FAM240B: variants seen among roughly 807,000 people sequenced by gnomAD.
FAM240B encodes the protein family with sequence similarity 240 member B, also known as protein FAM240B.
intron 2 of FAM240B, among the ~76,000 whole-genome samples, chr9:38,701,757 A>C (rs1821130262): frequency 6.6e-6 from 1 of 152,170 alleles, no homozygotes; most frequent in African/African-American, 2.4e-5. Flanking sequence ...CAAACTTTAG[A>C]AGAGGGGGTC....
At chr9:38,718,904 TTTTTA>T (rs973051425) in intron 1 of FAM240B, among the ~76,000 whole-genome samples, 21 of 152,152 alleles carry the variant, frequency 1.4e-4, no homozygotes, top group African/African-American at 4.8e-4. Context: ...ATTTTGATGT[TTTTTA>T]TTTTATGAAT....
chr9:38,713,415 T>G (rs1372920465), intron 1 of FAM240B, among the ~76,000 whole-genome samples: 1 of 144,424 alleles, frequency 6.9e-6, no homozygotes, highest in Non-Finnish European at 1.5e-5. Context: ...GAGGGAGAGC[T>G]TGCAGTGAGC....
intron 1 of FAM240B, among the ~76,000 whole-genome samples, chr9:38,708,903 G>C (rs1201602512): frequency 2.6e-5 from 4 of 152,198 alleles, no homozygotes; most frequent in Non-Finnish European, 5.9e-5. Context: ...GAATTAGAAA[G>C]CCTTAGATCA....
Position 38,694,594 on chromosome 9 carries a change from G to T in FAM240B, c.*182C>A. The T allele has an allele frequency of 2.5e-6, 1 of 392,776 alleles. No homozygotes were observed. The highest frequency in any genetic ancestry group is 4.5e-6 in the Non-Finnish European group (1 of 222,920). The allele number at this position is 392,776 out of a possible 1,614,324, so 24.3% of individuals were successfully genotyped here. A position where few individuals can be genotyped will look rare whatever the true frequency, so the allele number is the denominator to read the frequency against. On this transcript the variant is annotated 3_prime_UTR_variant, in exon 3 of 3. Coordinates refer to ENST00000637493, the MANE Select transcript of FAM240B (RefSeq NM_001394922.1). The stretch of plus-strand genomic sequence containing the variant: ...GGTCATCCTGTCCTCTGTGCGGAGG[G>T]GATTGAGCAGGATAATAACTCCCAT...
chr9:38,712,724 A>G (rs139188558), intron 1 of FAM240B, among the ~76,000 whole-genome samples: 4 of 152,240 alleles, frequency 2.6e-5, no homozygotes, highest in African/African-American at 9.6e-5. Flanking sequence ...AAATTATCTC[A>G]CTTAATGATA....
intron 1 of FAM240B, among the ~76,000 whole-genome samples, chr9:38,706,750 C>T (rs56367247): frequency 0.055 from 8,376 of 152,316 alleles, 318 homozygotes; most frequent in Non-Finnish European, 0.086. Flanking sequence ...CGAGCACACG[C>T]TCCTGTCTTT....
At chr9:38,715,904 C>T (rs1223556107) in intron 1 of FAM240B, among the ~76,000 whole-genome samples, 2 of 152,168 alleles carry the variant, frequency 1.3e-5, no homozygotes, top group African/African-American at 4.8e-5. Context: ...AGAGAAAGCA[C>T]CACCCCTCCC....
At chr9:38,711,065 T>C (rs1010500051) in intron 1 of FAM240B, among the ~76,000 whole-genome samples, 2 of 152,074 alleles carry the variant, frequency 1.3e-5, no homozygotes, top group African/African-American at 4.8e-5. Flanking sequence ...TTGAGAGCAA[T>C]GTGCAAGTCA....
intron 2 of FAM240B, among the ~76,000 whole-genome samples, chr9:38,700,563 G>T (rs62539022): frequency 0.055 from 8,350 of 152,308 alleles, 319 homozygotes; most frequent in Non-Finnish European, 0.086. Flanking sequence ...AAATAAAAGA[G>T]ACTGTAGTCA....
At chr9:38,713,215 A>C (rs1821274039) in intron 1 of FAM240B, among the ~76,000 whole-genome samples, 1 of 152,172 alleles carries the variant, frequency 6.6e-6, no homozygotes, top group South Asian at 2.1e-4. Flanking sequence ...GCAGTGGCTC[A>C]CGCCTGTAAT....
Position 38,703,942 on chromosome 9 carries a change from T to C in FAM240B, c.58A>G (p.Lys20Glu). The change falls in exon 2 of 3, where the codon AAA becomes GAA. Residue 20 changes from lysine (K) to glutamate (E), a missense_variant. Lys to Glu is a moderately conservative substitution (Grantham distance 56). Coordinates refer to ENST00000637493, the MANE Select transcript of FAM240B (RefSeq NM_001394922.1). ...CTAATTTCTTTTTCCCAGAAGCTTTTGAGCTCATGACAAGTTCCACAGCAG... is the reference window on the plus strand; with the variant it reads ...CTAATTTCTTTTTCCCAGAAGCTTTCGAGCTCATGACAAGTTCCACAGCAG... ...VFCCGTCHELKSFWEKEISKQ... is the reference protein window; with the variant it reads ...VFCCGTCHELESFWEKEISKQ... The C allele has an allele frequency of 2.5e-6, 1 of 400,606 alleles. No homozygotes were observed. The highest frequency in any genetic ancestry group is 4.4e-6 in the Non-Finnish European group (1 of 226,122). The allele number at this position is 400,606 out of a possible 1,614,324, so 24.8% of individuals were successfully genotyped here.
intron 1 of FAM240B, among the ~76,000 whole-genome samples, chr9:38,708,410 C>T (rs1043529114): frequency 8.5e-5 from 13 of 152,126 alleles, no homozygotes; most frequent in Non-Finnish European, 1.8e-4. Flanking sequence ...GATTGGAGTT[C>T]TTCACCAAGC....
chr9:38,706,429 C>T (rs1821190941), intron 1 of FAM240B, among the ~76,000 whole-genome samples: 2 of 152,180 alleles, frequency 1.3e-5, no homozygotes. Context: ...TTTCCTGTGA[C>T]TGATGGACGC....
rs112354481 is a variant in FAM240B, at chr9:38,716,472, T to TATA, written c.-4+3549_-4+3550insTAT. On this transcript the variant is annotated intron_variant, in intron 1 of 2. Coordinates refer to ENST00000637493, the MANE Select transcript of FAM240B (RefSeq NM_001394922.1). Reference sequence around the variant, plus strand: ...GGGTGGCAGAGTGAGACTCCGCTCTTAAATAAAATAATTTTTTTAAAAAAT... The same window carrying TATA: ...GGGTGGCAGAGTGAGACTCCGCTCTTATAAAATAAAATAATTTTTTTAAAAAAT... Among the ~76,000 whole-genome samples, 8 of 150,936 alleles carry TATA rather than the reference T, an allele frequency of 5.3e-5. No homozygotes were observed. The East Asian group carries it at 7.9e-4, about 15-fold the overall frequency.
chr9:38,716,910 T>C (rs1411521177), intron 1 of FAM240B, among the ~76,000 whole-genome samples: 1 of 152,206 alleles, frequency 6.6e-6, no homozygotes, highest in Non-Finnish European at 1.5e-5. Flanking sequence ...GTCATCCTGT[T>C]GAGTGAGAAT....
rs945306998 is a variant in FAM240B at position 38,712,676 on chromosome 9, A to G, written c.-4+7346T>C. Among the ~76,000 whole-genome samples, 9 of 152,218 alleles carry G rather than the reference A, an allele frequency of 5.9e-5. 1 individual carries two copies. Among genetic ancestry groups the G allele is most frequent in the Admixed American group, 4.6e-4 (7 of 15,280 alleles). On this transcript the variant is annotated intron_variant, in intron 1 of 2. Coordinates refer to ENST00000637493, the MANE Select transcript of FAM240B (RefSeq NM_001394922.1). ...GCTGACATCACAGAAGTGACAGTGA[A>G]CAATGAATCACATTTGGCAATTGCT...
chr9:38,702,368 AT>A (rs1463776099), intron 2 of FAM240B, among the ~76,000 whole-genome samples: 1 of 152,256 alleles, frequency 6.6e-6, no homozygotes, highest in Non-Finnish European at 1.5e-5. Flanking sequence ...AGTTTTACTC[AT>A]GTGAATTACT....
chr9:38,700,469 G>T (rs1821112977), intron 2 of FAM240B, among the ~76,000 whole-genome samples: 1 of 152,156 alleles, frequency 6.6e-6, no homozygotes, highest in African/African-American at 2.4e-5. Context: ...GTTCATATAA[G>T]CACTGTCCAG....
intron 1 of FAM240B, among the ~76,000 whole-genome samples, chr9:38,706,135 A>T (rs1157817415): frequency 6.6e-6 from 1 of 152,210 alleles, no homozygotes; most frequent in African/African-American, 2.4e-5. Context: ...ATATATTTTT[A>T]AATTGACAAA....
Sources: allele counts gnomAD v4.1 joint callset (sites outside exome capture counted in the v4.1 genomes callset), GRCh38; gene constraint gnomAD v4.1.1; transcripts MANE v1.5; gene names NCBI Gene and HGNC (gene_info 2026-07-23, HGNC 2026-07-21).